The following ZBTB20 variants were observed in gnomAD, a reference collection of about 807,000 sequenced individuals.
ZBTB20 encodes the protein zinc finger and BTB domain containing 20.
A neutral mutation model predicts 56.9 loss-of-function variants in ZBTB20; 9 were observed. The observed-to-expected ratio is 0.16, with a 90% CI of 0.10 to 0.28. The LOEUF (loss-of-function observed/expected upper bound fraction) is 0.28, where lower values mean the gene tolerates loss of function less well. Among genes scored for constraint, ZBTB20 ranks in the 10% least tolerant of loss-of-function variants. ZBTB20 has a pLI of 1.00. For synonymous variants in ZBTB20, 417 were observed against 420.7 expected (o/e 0.99, Z 0.11); for missense variants, 655 against 1,003.0 (o/e 0.65, Z 4.69).
At chr3:115,070,636 T>C (rs1477377964) in intron 2 of ZBTB20, among the ~76,000 whole-genome samples, 1 of 152,054 alleles carries the variant, frequency 6.6e-6, no homozygotes, top group Non-Finnish European at 1.5e-5. Context: ...TTCACAATGA[T>C]ACCAAAATTC....
At chr3:114,532,136 G>C (rs1227749554) in intron 6 of ZBTB20, among the ~76,000 whole-genome samples, 2 of 152,198 alleles carry the variant, frequency 1.3e-5, no homozygotes, top group African/African-American at 2.4e-5. Context: ...CAGTGAGACA[G>C]AACCACTCAC....
chr3:115,002,908 C>G (rs77827773), intron 2 of ZBTB20, among the ~76,000 whole-genome samples: 1 of 151,536 alleles, frequency 6.6e-6, no homozygotes, highest in Non-Finnish European at 1.5e-5. Flanking sequence ...GAGGCAACGA[C>G]GATGTCTTTA....
chr3:114,482,867 C>T (rs2041707770), intron 7 of ZBTB20, among the ~76,000 whole-genome samples: 1 of 152,156 alleles, frequency 6.6e-6, no homozygotes, highest in South Asian at 2.1e-4. Context: ...AATGCCAGTG[C>T]TATTCATTCT....
At chr3:114,445,051 A>C (rs1576792449) in intron 7 of ZBTB20, among the ~76,000 whole-genome samples, 1 of 152,296 alleles carries the variant, frequency 6.6e-6, no homozygotes, top group South Asian at 2.1e-4. Flanking sequence ...TGATGCTCTG[A>C]TGCTGACATT....
intron 10 of ZBTB20, among the ~76,000 whole-genome samples, chr3:114,352,971 A>C (rs1388944241): frequency 6.6e-6 from 1 of 152,214 alleles, no homozygotes; most frequent in Non-Finnish European, 1.5e-5. Flanking sequence ...GCCACCCTAT[A>C]ACGTAGGCTG....
At chr3:114,609,458 T>C (rs903247176) in intron 6 of ZBTB20, among the ~76,000 whole-genome samples, 3 of 152,238 alleles carry the variant, frequency 2.0e-5, no homozygotes, top group Non-Finnish European at 4.4e-5. Context: ...AAGCCTGCTC[T>C]GCTTGTTTTG....
rs186197058 is a variant in ZBTB20, at chr3:115,048,882, T to G, written c.-507+22337A>C. Among the ~76,000 whole-genome samples the G allele has an allele frequency of 3.5e-3, 536 of 152,260 alleles. 3 individuals are homozygous for G. The highest frequency in any genetic ancestry group is 0.012 in the African/African-American group (509 of 41,566). On this transcript the variant is annotated intron_variant, in intron 2 of 11. Coordinates refer to ENST00000675478, the MANE Select transcript of ZBTB20 (RefSeq NM_001348800.3). ...AAAGACTTCTATCTAAAAAAAAGGA[T>G]TTATACCAATCCATGCACATATTAG...
intron 5 of ZBTB20, among the ~76,000 whole-genome samples, chr3:114,698,413 T>G (rs1212878341): frequency 2.6e-5 from 4 of 152,086 alleles, no homozygotes; most frequent in Admixed American, 1.3e-4. Context: ...CCTTTTACTT[T>G]TGTTTGGGTG....
rs1007599049 is a variant in ZBTB20 at position 114,380,205 on chromosome 3, T to C, written c.199+12A>G. 6.5e-7 allele frequency: 1 copy of C among 1,533,124 alleles called. No homozygotes were observed. Among genetic ancestry groups the C allele is most frequent in the Admixed American group, 2.0e-5 (1 of 50,756 alleles). The allele number at this position is 1,533,124 out of a possible 1,614,324, so 95.0% of individuals were successfully genotyped here. On this transcript the variant is annotated intron_variant, in intron 10 of 11. Transcript: ENST00000675478. The stretch of plus-strand genomic sequence containing the variant: ...CACTGCAAAGACACCATCACCTTAG[T>C]GGTGTACTCACAATCAGATGACCCG...
chr3:115,076,329 A>G (rs183013507), intron 1 of ZBTB20, among the ~76,000 whole-genome samples: 27 of 152,322 alleles, frequency 1.8e-4, no homozygotes. Context: ...AAAATAATCA[A>G]AACAATATGG....
At chr3:114,614,301 T>G (rs963775854) in intron 6 of ZBTB20, among the ~76,000 whole-genome samples, 1 of 152,182 alleles carries the variant, frequency 6.6e-6, no homozygotes, top group Non-Finnish European at 1.5e-5. Context: ...TGGGGTAACA[T>G]ATATCAGAGA....
At chr3:114,510,658 A>C (rs1326529048) in intron 6 of ZBTB20, among the ~76,000 whole-genome samples, 1 of 152,126 alleles carries the variant, frequency 6.6e-6, no homozygotes, top group Non-Finnish European at 1.5e-5. Flanking sequence ...CTAAAATATT[A>C]TCTAATTGCA....
At chr3:114,359,364 T>A (rs2081572784) in intron 10 of ZBTB20, 1 of 152,168 alleles carries the variant, frequency 6.6e-6, no homozygotes, top group Non-Finnish European at 1.5e-5. Flanking sequence ...TTTGTGAAAA[T>A]TAAGTTTTAC....
rs191997575 is a variant in ZBTB20 at position 114,946,789 on chromosome 3, C to A, written c.-456+27577G>T. 3.0e-3 allele frequency among the ~76,000 whole-genome samples: 431 copies of A among 144,920 alleles called. 10 individuals are homozygous for A. Among genetic ancestry groups the A allele is most frequent in the Non-Finnish European group, 4.3e-3 (292 of 67,390 alleles). ...ATAAGACACCAAAAGCACAAGAAAC[C>A]AAAACAAAAACAGACAAATGGTACT... On this transcript the variant is annotated intron_variant, in intron 3 of 11. Transcript: ENST00000675478.
At chr3:114,606,880 G>C (rs2057201580) in intron 6 of ZBTB20, among the ~76,000 whole-genome samples, 1 of 152,062 alleles carries the variant, frequency 6.6e-6, no homozygotes. Flanking sequence ...TGGATCACTT[G>C]AGGTCAGGAG....
At chr3:114,644,854 A>G (rs2059754938) in intron 6 of ZBTB20, among the ~76,000 whole-genome samples, 1 of 152,160 alleles carries the variant, frequency 6.6e-6, no homozygotes, top group South Asian at 2.1e-4. Context: ...AGTTGTGGGT[A>G]GTCAGGATAA....
At chr3:114,913,558 C>T (rs2075625583) in intron 3 of ZBTB20, among the ~76,000 whole-genome samples, 1 of 151,974 alleles carries the variant, frequency 6.6e-6, no homozygotes, top group South Asian at 2.1e-4. Flanking sequence ...TTGATGGTTT[C>T]CTTTGCTGTG....
At chr3:115,002,941 T>C (rs2079311449) in intron 2 of ZBTB20, among the ~76,000 whole-genome samples, 1 of 151,572 alleles carries the variant, frequency 6.6e-6, no homozygotes, top group African/African-American at 2.4e-5. Context: ...CATGAACAAA[T>C]TTCTACATCC....
rs563229815 is a variant in ZBTB20 at position 114,372,928 on chromosome 3, T to A, written c.199+7289A>T. Among the ~76,000 whole-genome samples, 20 of 152,306 alleles carry A rather than the reference T, an allele frequency of 1.3e-4. No individual in the cohort carries two copies. In the South Asian group the frequency reaches 3.7e-3, roughly 28 times the overall value. ...TAGGTCCTTCAGAATACTTTCTTTT[T>A]TTTTCCTGAGATGCAGTCTTGCTCT... On this transcript the variant is annotated intron_variant, in intron 10 of 11. Transcript: ENST00000675478.
Sources: allele counts gnomAD v4.1 joint callset (sites outside exome capture counted in the v4.1 genomes callset), GRCh38; gene constraint gnomAD v4.1.1; transcripts MANE v1.5; gene names NCBI Gene and HGNC (gene_info 2026-07-23, HGNC 2026-07-21).